BOC: variants seen among roughly 807,000 people sequenced by gnomAD.
BOC encodes the protein BOC cell adhesion associated, oncogene regulated.
A neutral mutation model predicts 112.0 loss-of-function variants in BOC; 76 were observed. That is an observed-to-expected ratio of 0.68 (90% CI 0.56 to 0.82). The LOEUF (loss-of-function observed/expected upper bound fraction) is 0.82. Among genes scored for constraint, BOC ranks in the 40% least tolerant of loss-of-function variants. The pLI, the probability that BOC is intolerant of heterozygous loss-of-function variation, is 0.00. For missense variants in BOC, 1,309 were observed against 1,511.7 expected (o/e 0.87, Z 2.22); for synonymous variants, 580 against 599.8 (o/e 0.97, Z 0.48).
chr3:113,252,010 T>A (rs1317987125), intron 4 of BOC: 3 of 152,206 alleles, frequency 2.0e-5, no homozygotes, highest in African/African-American at 7.2e-5. Context: ...CCTTTGCATG[T>A]GACTGCCACT....
At chr3:113,273,013 C>T (rs1948297932) in intron 7 of BOC, 56 bp from the exon 8 acceptor site, 5 of 1,550,536 alleles carry the variant, frequency 3.2e-6, no homozygotes, top group Non-Finnish European at 4.4e-6. Flanking sequence ...CCCAGCCCAT[C>T]TGGCCCTGGG....
At chr3:113,282,043 G>A (rs920332149) in intron 15 of BOC, among the ~76,000 whole-genome samples, 9 of 152,220 alleles carry the variant, frequency 5.9e-5, no homozygotes, top group Non-Finnish European at 4.4e-5. Context: ...CTTAGGCTAG[G>A]ATGAGGAGGG....
chr3:113,285,610 G>A, intron 19 of BOC, 45 bp downstream of exon 19: 1 of 1,485,550 alleles, frequency 6.7e-7, no homozygotes, highest in South Asian at 1.4e-5. Flanking sequence ...GGCTGGGGGT[G>A]ACATGAGGTA....
chr3:113,230,782 GTAGGAAAT>G (rs1942486579), intron 2 of BOC, among the ~76,000 whole-genome samples: 1 of 152,134 alleles, frequency 6.6e-6, no homozygotes, highest in African/African-American at 2.4e-5. Flanking sequence ...TTACAAATCA[GTAGGAAAT>G]TAGTAATTTA....
chr3:113,249,844 T>C lies in BOC; in HGVS notation c.42T>C (p.Pro14=). 1.9e-6 allele frequency: 3 copies of C among 1,613,774 alleles called. No homozygotes were observed. In the South Asian group the frequency reaches 3.3e-5, roughly 18 times the overall value. Residue 14 remains proline (P), a synonymous_variant, in exon 3 of 20, where the codon CCT becomes CCC. Transcript: ENST00000682979. ...TGACGGCGTGGAGAGGAATGAGGCC[T>C]GAGGTCACACTGGCTTGCCTCCTCC... ...GTMTAWRGMR[P]EVTLACLLLA... is the part of the protein sequence containing the mutation.
Position 113,287,278 on chromosome 3 carries a change from T to C in BOC, c.*416T>C, listed in dbSNP as rs996261940. The C allele has an allele frequency of 1.3e-5, 4 of 315,764 alleles. No homozygotes were observed. The highest frequency in any genetic ancestry group is 8.7e-5 in the African/African-American group (4 of 45,768). The allele number at this position is 315,764 out of a possible 1,614,324, so 19.6% of individuals were successfully genotyped here. ...CACAGCCTGGAGACACCCACACAGA[T>C]GGCTGGATCCGGTGCTACGGGAAAC... On this transcript the variant is annotated 3_prime_UTR_variant, in exon 20 of 20. Coordinates refer to ENST00000682979, the MANE Select transcript of BOC (RefSeq NM_001378074.1).
intron 2 of BOC, among the ~76,000 whole-genome samples, chr3:113,221,202 A>G (rs1940573938): frequency 6.6e-6 from 1 of 152,232 alleles, no homozygotes; most frequent in South Asian, 2.1e-4. Context: ...ATGCGTTGGG[A>G]GCAGTCTGTA....
At chr3:113,277,229 G>A (rs1948753396) in intron 9 of BOC, among the ~76,000 whole-genome samples, 2 of 152,198 alleles carry the variant, frequency 1.3e-5, no homozygotes, top group African/African-American at 4.8e-5. Flanking sequence ...CATTTGCTGG[G>A]CATCTACTGT....
intron 2 of BOC, 87 bp downstream of exon 2, chr3:113,216,361 T>A: frequency 2.3e-6 from 1 of 438,948 alleles, no homozygotes; most frequent in Non-Finnish European, 4.6e-6. Context: ...TTAGAGATAG[T>A]TTTTCTCATC....
At chr3:113,258,420 C>T (rs1946461072) in intron 4 of BOC, among the ~76,000 whole-genome samples, 2 of 152,194 alleles carry the variant, frequency 1.3e-5, no homozygotes, top group South Asian at 4.1e-4. Flanking sequence ...TCTCTTTTCT[C>T]TTTGGGTATG....
At chr3:113,214,546 C>T (rs1938952947) in intron 1 of BOC, among the ~76,000 whole-genome samples, 1 of 152,082 alleles carries the variant, frequency 6.6e-6, no homozygotes, top group Non-Finnish European at 1.5e-5. Context: ...TCAGGTGCAC[C>T]AAATAATTGC....
In BOC at chr3:113,281,171, C is replaced by T; in HGVS notation, c.2434+18C>T. On this transcript the variant is annotated intron_variant, in intron 15 of 19. Transcript: ENST00000682979. ...GACCAAAGGTGAAGCTCTTTGGGTTCTCTCTCCTGTCTTGGTGTTTCCAGC... is the reference window on the plus strand; with the variant it reads ...GACCAAAGGTGAAGCTCTTTGGGTTTTCTCTCCTGTCTTGGTGTTTCCAGC... 1.2e-6 allele frequency: 2 copies of T among 1,613,574 alleles called. No homozygotes were observed. Among genetic ancestry groups the T allele is most frequent in the Non-Finnish European group, 1.7e-6 (2 of 1,179,726 alleles).
intron 2 of BOC, among the ~76,000 whole-genome samples, chr3:113,223,580 A>T (rs956690816): frequency 2.6e-5 from 4 of 152,182 alleles, no homozygotes; most frequent in Non-Finnish European, 5.9e-5. Context: ...TTCACTCCCT[A>T]AAAATCCCTT....
intron 2 of BOC, among the ~76,000 whole-genome samples, chr3:113,242,773 G>GTT (rs1374441690): frequency 6.6e-6 from 1 of 152,034 alleles, no homozygotes; most frequent in African/African-American, 2.4e-5. Context: ...GTCTTCCACA[G>GTT]TAAGACCCAA....
chr3:113,251,975 T>G (rs1330164743), intron 4 of BOC: 1 of 152,192 alleles, frequency 6.6e-6, no homozygotes, highest in Non-Finnish European at 1.5e-5. Context: ...TGAGGCTAGA[T>G]GGAAGTGAGT....
Position 113,274,379 on chromosome 3 carries a change from A to G in BOC, c.1239A>G (p.Ile413Met), listed in dbSNP as rs765304929. ...VVQLRTSRPS[I>M]TPRLWQDAEL... ...TGCTTCCTGTTGGTCCTCCAGGCAT[A>G]ACCCCAAGGCTATGGCAGGATGCTG... The change falls in exon 9 of 20, where the codon ATA (isoleucine) becomes ATG (methionine). Residue 413 changes from isoleucine (I) to methionine (M), a missense_variant. By Grantham distance (10) the Ile-to-Met change is conservative. Coordinates refer to ENST00000682979, the MANE Select transcript of BOC (RefSeq NM_001378074.1). This position sits in a 1 kb window ranked among gnomAD's most constrained non-coding sequence, Gnocchi z 4.8. 2.6e-6 allele frequency: 4 copies of G among 1,517,672 alleles called. No individual in the cohort carries two copies. Among genetic ancestry groups the G allele is most frequent in the Non-Finnish European group, 3.5e-6 (4 of 1,130,694 alleles). 94.0% of individuals were successfully genotyped at this position (1,517,672 alleles called of 1,614,324 possible).
At chr3:113,256,357 T>C (rs1946220669) in intron 4 of BOC, among the ~76,000 whole-genome samples, 2 of 152,344 alleles carry the variant, frequency 1.3e-5, no homozygotes, top group South Asian at 2.1e-4. Flanking sequence ...GCTCTCTAAC[T>C]CAGATTCCCA....
At chr3:113,270,472 G>C (rs775204188) in intron 5 of BOC, 3 of 245,934 alleles carry the variant, frequency 1.2e-5, no homozygotes, top group Non-Finnish European at 2.4e-5. Flanking sequence ...TCCAAATCCT[G>C]CTTCCTTTCT....
chr3:113,286,567 G>C (rs1949717580), intron 19 of BOC, 108 bp from the exon 20 acceptor site: 1 of 1,032,432 alleles, frequency 9.7e-7, no homozygotes, highest in Admixed American at 2.7e-5. Context: ...CCCCTTTCCA[G>C]AGCCAGTGTA....
Sources: allele counts gnomAD v4.1 joint callset (sites outside exome capture counted in the v4.1 genomes callset), GRCh38; gene constraint gnomAD v4.1.1; non-coding constraint Gnocchi (gnomAD v3.1); transcripts MANE v1.5; gene names NCBI Gene and HGNC (gene_info 2026-07-23, HGNC 2026-07-21).